The following PARD6G variants were observed in gnomAD, a reference collection of about 807,000 sequenced individuals.
The protein encoded by PARD6G is partitioning defective 6 homolog gamma.
PARD6G carries 7 observed loss-of-function variants against 10.7 expected under a neutral mutation model. The ratio of observed to expected loss-of-function variants is 0.66; its 90% CI spans 0.37 to 1.23. PARD6G has a LOEUF of 1.23. Among genes scored for constraint, PARD6G ranks in the 50% most tolerant of loss-of-function variants. PARD6G has a pLI of 0.02. For missense variants in PARD6G, 548 were observed against 571.8 expected (o/e 0.96, Z 0.42); for synonymous variants, 287 against 269.4 (o/e 1.07, Z -0.64).
At position 80,181,616 on chromosome 18, in the gene PARD6G, TCTC is replaced by T. The variant is rs1226487804; in HGVS notation, c.296-21013_296-21011del. Among the ~76,000 whole-genome samples the T allele has an allele frequency of 6.6e-6, 1 of 151,468 alleles. No homozygotes were observed. The highest frequency in any genetic ancestry group is 1.5e-5 in the Non-Finnish European group (1 of 67,894). ...ACCTCCCCTCTCCCAACAAGGAGGG[TCTC>T]CTCCCCATCCTCCCTCATCAGCGAC... On this transcript the variant is annotated intron_variant, in intron 2 of 2. Transcript: ENST00000353265. This position sits in a 1 kb window ranked among gnomAD's most constrained non-coding sequence, Gnocchi z 7.9.
At chr18:80,177,949 A>C (rs2052825084) in intron 2 of PARD6G, 1 of 144,110 alleles carries the variant, frequency 6.9e-6, no homozygotes. Flanking sequence ...AGATAATCAC[A>C]GTCCAAATGG....
chr18:80,193,084 C>T (rs1223373510), intron 2 of PARD6G, among the ~76,000 whole-genome samples: 3 of 152,158 alleles, frequency 2.0e-5, no homozygotes, highest in Non-Finnish European at 4.4e-5. Context: ...GGTAATTTAA[C>T]TCGGAGACCC....
chr18:80,239,831 G>A (rs1161746091), intron 1 of PARD6G, among the ~76,000 whole-genome samples: 2 of 152,082 alleles, frequency 1.3e-5, no homozygotes, highest in Non-Finnish European at 2.9e-5. Context: ...GCAAATCAAT[G>A]TATCAATACA....
chr18:80,197,240 T>C (rs552499745), intron 2 of PARD6G, among the ~76,000 whole-genome samples: 150 of 152,320 alleles, frequency 9.8e-4, no homozygotes, highest in African/African-American at 2.8e-3. Flanking sequence ...CTCTAGCTAT[T>C]TCCCTAAGAA....
At chr18:80,224,809 T>A (rs1199082173) in intron 1 of PARD6G, among the ~76,000 whole-genome samples, 6 of 151,844 alleles carry the variant, frequency 4.0e-5, no homozygotes, top group African/African-American at 1.5e-4. Flanking sequence ...ATCGCGCCAC[T>A]GCTCTCCAGC....
At chr18:80,196,282 G>C (rs373855623) in intron 2 of PARD6G, among the ~76,000 whole-genome samples, 1 of 152,152 alleles carries the variant, frequency 6.6e-6, no homozygotes, top group African/African-American at 2.4e-5. Flanking sequence ...AACTAACCAC[G>C]TCTACAGTGA....
At chr18:80,219,380 T>C (rs909304626) in intron 1 of PARD6G, among the ~76,000 whole-genome samples, 24 of 152,188 alleles carry the variant, frequency 1.6e-4, no homozygotes, top group African/African-American at 5.3e-4. Context: ...AGCTAATTTT[T>C]GTATTTTTTA....
At chr18:80,172,890 T>G (rs1450230423) in intron 2 of PARD6G, among the ~76,000 whole-genome samples, 3 of 152,214 alleles carry the variant, frequency 2.0e-5, no homozygotes, top group African/African-American at 7.2e-5. Flanking sequence ...GTTGTTATAT[T>G]TAAGAAATCA....
rs1055514741 is a variant in PARD6G at position 80,180,513 on chromosome 18, G to A, written c.296-19907C>T. Among the ~76,000 whole-genome samples, 12 of 152,146 alleles carry A rather than the reference G, an allele frequency of 7.9e-5. No individual in the cohort carries two copies. Among genetic ancestry groups the A allele is most frequent in the African/African-American group, 1.9e-4 (8 of 41,430 alleles). On this transcript the variant is annotated intron_variant, in intron 2 of 2. Transcript: ENST00000353265. This position sits in a 1 kb window ranked among gnomAD's most constrained non-coding sequence, Gnocchi z 5.6. ...GGGCCCTCCCAGGACCAACCCAGCC[G>A]GTGGTCAGGGGTCCTTGCTCTCTGC...
intron 1 of PARD6G, among the ~76,000 whole-genome samples, chr18:80,243,637 A>G (rs941448355): frequency 2.6e-5 from 4 of 152,182 alleles, no homozygotes; most frequent in Non-Finnish European, 5.9e-5. Context: ...TGTGCCGAAC[A>G]TAACTGTGGC....
rs1444736012 is a variant in PARD6G, at chr18:80,200,012, C to A, written c.295+2698G>T. On this transcript the variant is annotated intron_variant, in intron 2 of 2. Coordinates refer to ENST00000353265, the MANE Select transcript of PARD6G (RefSeq NM_032510.4). The surrounding 1 kb of genome is among the most constrained non-coding windows in gnomAD (Gnocchi z 4.4). The stretch of plus-strand genomic sequence containing the variant: ...CCAACATGTATTAGGAGAATGCTGA[C>A]TTTTCCTCTGTGATAGTAAATTCCC... 6.6e-6 allele frequency among the ~76,000 whole-genome samples: 1 copy of A among 152,148 alleles called. No homozygotes were observed. Among genetic ancestry groups the A allele is most frequent in the African/African-American group, 2.4e-5 (1 of 41,418 alleles).
rs1047852102 is a variant in PARD6G at position 80,192,294 on chromosome 18, C to A, written c.295+10416G>T. Among the ~76,000 whole-genome samples, 1 of 152,214 alleles carries A rather than the reference C, an allele frequency of 6.6e-6. No individual in the cohort carries two copies. Among genetic ancestry groups the A allele is most frequent in the Non-Finnish European group, 1.5e-5 (1 of 68,036 alleles). ...GTGGGGTGCAGTGCAGGCAGAGGGG[C>A]CTTCTGGCCTCAGCTCCAGCTCAAG... On this transcript the variant is annotated intron_variant, in intron 2 of 2. Coordinates refer to ENST00000353265, the MANE Select transcript of PARD6G (RefSeq NM_032510.4). This position sits in a 1 kb window ranked among gnomAD's most constrained non-coding sequence, Gnocchi z 4.9.
At chr18:80,223,206 G>A (rs1967251397) in intron 1 of PARD6G, among the ~76,000 whole-genome samples, 1 of 151,976 alleles carries the variant, frequency 6.6e-6, no homozygotes, top group African/African-American at 2.4e-5. Context: ...CTGGAGTTAG[G>A]CAATAATTTC....
Position 80,192,947 on chromosome 18 carries a change from C to G in PARD6G, c.295+9763G>C, listed in dbSNP as rs202024848. On this transcript the variant is annotated intron_variant, in intron 2 of 2. Coordinates refer to ENST00000353265, the MANE Select transcript of PARD6G (RefSeq NM_032510.4). The surrounding 1 kb of genome is among the most constrained non-coding windows in gnomAD (Gnocchi z 4.9). ...GAAGCACCAATGTGTCCAAGTCCTCCTGGCCCCTGCTGCCAACATGTCAAC... is the reference window on the plus strand; with the variant it reads ...GAAGCACCAATGTGTCCAAGTCCTCGTGGCCCCTGCTGCCAACATGTCAAC... Among the ~76,000 whole-genome samples the G allele has an allele frequency of 6.6e-6, 1 of 152,140 alleles. No homozygotes were observed. The highest frequency in any genetic ancestry group is 1.5e-5 in the Non-Finnish European group (1 of 68,028).
chr18:80,164,433 T>C (rs556047460), intron 2 of PARD6G, among the ~76,000 whole-genome samples: 2 of 152,322 alleles, frequency 1.3e-5, no homozygotes, highest in South Asian at 4.1e-4. Flanking sequence ...GGCTCCAGCT[T>C]TTAACTTTCA....
chr18:80,164,757 C>A (rs1246272795), intron 2 of PARD6G, among the ~76,000 whole-genome samples: 2 of 152,180 alleles, frequency 1.3e-5, no homozygotes, highest in Non-Finnish European at 2.9e-5. Context: ...GGGATGACAT[C>A]ACCTATCGGT....
chr18:80,179,408 G>A (rs972816942), intron 2 of PARD6G, among the ~76,000 whole-genome samples: 5 of 152,030 alleles, frequency 3.3e-5, no homozygotes, highest in Admixed American at 2.6e-4. Flanking sequence ...TCCCGCCCAC[G>A]CCCGCTCCCT....
At chr18:80,235,310 C>T (rs959156926) in intron 1 of PARD6G, among the ~76,000 whole-genome samples, 2 of 151,956 alleles carry the variant, frequency 1.3e-5, no homozygotes, top group African/African-American at 4.8e-5. Context: ...TTGAAACCAA[C>T]GAGAACAAAG....
intron 1 of PARD6G, among the ~76,000 whole-genome samples, chr18:80,235,919 G>T (rs1269244772): frequency 6.6e-6 from 1 of 152,062 alleles, no homozygotes; most frequent in Non-Finnish European, 1.5e-5. Context: ...TTCTACCAGA[G>T]GTACAAGGAG....
Sources: gnomAD v4.1 joint callset for allele counts (sites outside exome capture counted in the v4.1 genomes callset) on GRCh38, gnomAD v4.1.1 for gene constraint, Gnocchi (gnomAD v3.1) non-coding constraint, MANE v1.5 for transcripts, NCBI Gene and HGNC (gene_info 2026-07-23, HGNC 2026-07-21) for gene names.